TTC8: variants seen among roughly 807,000 people sequenced by gnomAD.
The protein encoded by TTC8 is tetratricopeptide repeat protein 8.
TTC8 carries 47 observed loss-of-function variants against 72.5 expected under a neutral mutation model. The observed-to-expected ratio is 0.65, with a 90% CI of 0.51 to 0.83. TTC8 has a LOEUF of 0.83. TTC8 is among the 40% of genes least tolerant of loss of function. The probability of loss-of-function intolerance (pLI) is 0.00; values close to 1 mark genes in which losing one functional copy is unlikely to be tolerated. For synonymous variants in TTC8, 199 were observed against 221.4 expected (o/e 0.90, Z 0.90); for missense variants, 611 against 623.2 (o/e 0.98, Z 0.21).
At chr14:88,862,425 G>A (rs1761892718) in intron 10 of TTC8, among the ~76,000 whole-genome samples, 2 of 148,444 alleles carry the variant, frequency 1.3e-5, no homozygotes, top group African/African-American at 5.0e-5. Context: ...TATAACATTG[G>A]TATAAGAATG....
chr14:88,850,301 G>A (rs1036113220), intron 7 of TTC8, among the ~76,000 whole-genome samples: 2 of 152,180 alleles, frequency 1.3e-5, no homozygotes, highest in African/African-American at 4.8e-5. Context: ...GATAGTTCTT[G>A]AGTACCTCTT....
intron 10 of TTC8, among the ~76,000 whole-genome samples, chr14:88,861,970 T>G (rs376926350): frequency 6.6e-6 from 1 of 152,198 alleles, no homozygotes. Flanking sequence ...GATATACAGA[T>G]TTCCTTTCTT....
Position 88,875,067 on chromosome 14 carries a change from T to C in TTC8, c.1389T>C (p.His463=). The stretch of plus-strand genomic sequence containing the variant: ...AAACTGCATCATCATTAGCACCCCA[T>C]ATGTATGAACCGCATTTTAATTTTG... ...LLQTASSLAP[H]MYEPHFNFAT... Residue 463 remains histidine (H), a synonymous_variant, in exon 14 of 15, where the codon CAT becomes CAC. Transcript: ENST00000380656. 1 of 1,613,008 alleles carries C rather than the reference T, an allele frequency of 6.2e-7. No individual in the cohort carries two copies. Among genetic ancestry groups the C allele is most frequent in the Non-Finnish European group, 8.5e-7 (1 of 1,179,594 alleles).
chr14:88,840,032 T>C (rs1424056673), intron 3 of TTC8: 1 of 172,166 alleles, frequency 5.8e-6, no homozygotes, highest in Non-Finnish European at 1.3e-5. Flanking sequence ...ATTCTTATAA[T>C]CGAACATGAT....
chr14:88,852,654 CAG>C (rs1491490755), intron 7 of TTC8, among the ~76,000 whole-genome samples: 2 of 152,112 alleles, frequency 1.3e-5, no homozygotes, highest in African/African-American at 4.8e-5. Flanking sequence ...GTAGATAAAT[CAG>C]GGGGAGTGGG....
At chr14:88,824,442 A>G (rs536114565), upstream of TTC8, 2 of 482,670 alleles carry the variant, frequency 4.1e-6, no homozygotes, top group South Asian at 4.8e-5. Context: ...CTTTTTGTTT[A>G]GCCGCGGTGC....
In TTC8 at chr14:88,861,220, A is replaced by C. The variant is rs771218088; in HGVS notation, c.799-2A>C. ...TTTTATTGAAATGTATCTTGTTTTT[A>C]GGTTTATGTCTCATTGGATCAACCT... On this transcript the variant is annotated splice_acceptor_variant, in intron 9 of 14. Transcript: ENST00000380656. LOFTEE classifies it high-confidence loss of function. The C allele has an allele frequency of 2.5e-6, 4 of 1,599,258 alleles. No individual in the cohort carries two copies. The highest frequency in any genetic ancestry group is 3.4e-6 in the Non-Finnish European group (4 of 1,167,876).
At chr14:88,878,653 C>T (rs565316713), downstream of TTC8, 1 of 152,154 alleles carries the variant, frequency 6.6e-6, no homozygotes, top group South Asian at 2.1e-4. Flanking sequence ...TTTATTTAGC[C>T]CTTGAGAATT....
In TTC8 at chr14:88,871,412, A is replaced by G; in HGVS notation, c.1050-137A>G. ...TTTAAACATTTTTTCATTTACTATA[A>G]CACGTATTTATATTCTTAAGGAGTA... On this transcript the variant is annotated intron_variant, in intron 11 of 14. Coordinates refer to ENST00000380656, the MANE Select transcript of TTC8 (RefSeq NM_144596.4). The surrounding 1 kb of genome is among the most constrained non-coding windows in gnomAD (Gnocchi z 4.1). 1 of 772,820 alleles carries G rather than the reference A, an allele frequency of 1.3e-6. No homozygotes were observed. The highest frequency in any genetic ancestry group is 1.6e-5 in the South Asian group (1 of 60,824). 47.9% of individuals were successfully genotyped at this position (772,820 alleles called of 1,614,324 possible).
intron 1 of TTC8, among the ~76,000 whole-genome samples, chr14:88,826,131 T>C (rs867739228): frequency 2.6e-5 from 4 of 151,746 alleles, no homozygotes; most frequent in Middle Eastern, 6.8e-3. Context: ...GGGACTACAG[T>C]TACGTGCCAC....
chr14:88,875,910 C>T (rs986139213), intron 14 of TTC8, among the ~76,000 whole-genome samples: 41 of 152,120 alleles, frequency 2.7e-4, no homozygotes, highest in Admixed American at 2.6e-3. Flanking sequence ...CCCAACTACC[C>T]CGCCTTCCTC....
intron 8 of TTC8, among the ~76,000 whole-genome samples, chr14:88,853,816 T>C (rs2141001169): frequency 6.6e-6 from 1 of 152,354 alleles, no homozygotes; most frequent in African/African-American, 2.4e-5. Context: ...ATCTGAAACT[T>C]GTTGCTGATA....
At chr14:88,859,958 TATA>T (rs2094878132) in intron 9 of TTC8, among the ~76,000 whole-genome samples, 2 of 120,792 alleles carry the variant, frequency 1.7e-5, no homozygotes, top group South Asian at 2.5e-4. Flanking sequence ...TATATAGTAA[TATA>T]ATATAAATAT....
chr14:88,867,563 G>A (rs1044691560), intron 10 of TTC8, among the ~76,000 whole-genome samples: 1 of 152,014 alleles, frequency 6.6e-6, no homozygotes, highest in South Asian at 2.1e-4. Flanking sequence ...TTGGGGATGG[G>A]GCATTTACTT....
rs574046382 is a variant in TTC8 at position 88,873,226 on chromosome 14, G to A, written c.1347+774G>A. Among the ~76,000 whole-genome samples the A allele has an allele frequency of 8.5e-4, 129 of 152,202 alleles. 2 individuals carry two copies. Among genetic ancestry groups the A allele is most frequent in the Non-Finnish European group, 1.6e-3 (107 of 68,000 alleles). ...TTCCCCACTGACTTGCAGACACATC[G>A]CTGCCTTGCTGCTCTGCAGACAGAC... is the stretch of plus-strand genomic sequence containing the variant. On this transcript the variant is annotated intron_variant, in intron 13 of 14. Transcript: ENST00000380656.
At chr14:88,859,858 A>ATATATAATATAAATATATTATATAT (rs1170390806) in intron 9 of TTC8, among the ~76,000 whole-genome samples, 149 of 127,754 alleles carry the variant, frequency 1.2e-3, no homozygotes, top group South Asian at 8.8e-3. Context: ...ATATATAATC[A>ATATATAATATAAATATATTATATAT]TATATAATAT....
chr14:88,849,219 C>G (rs2094822226), intron 7 of TTC8, among the ~76,000 whole-genome samples: 1 of 152,028 alleles, frequency 6.6e-6, no homozygotes. Context: ...ATGTCTTGTT[C>G]TGTTTCTCAC....
At chr14:88,869,014 T>C (rs1036691539) in intron 10 of TTC8, among the ~76,000 whole-genome samples, 1 of 152,218 alleles carries the variant, frequency 6.6e-6, no homozygotes, top group African/African-American at 2.4e-5. Context: ...AAAAAAGCAC[T>C]GCATGGTGCT....
chr14:88,830,141 CATT>C (rs751602677), intron 1 of TTC8, among the ~76,000 whole-genome samples: 171 of 152,272 alleles, frequency 1.1e-3, no homozygotes, highest in Middle Eastern at 3.4e-3. Context: ...TGAGGAGACT[CATT>C]AGCCAGCATA....
Sources: gnomAD v4.1 joint callset for allele counts (sites outside exome capture counted in the v4.1 genomes callset) on GRCh38, gnomAD v4.1.1 for gene constraint, Gnocchi (gnomAD v3.1) non-coding constraint, MANE v1.5 for transcripts, NCBI Gene and HGNC (gene_info 2026-07-23, HGNC 2026-07-21) for gene names.